GMDS: variants seen among roughly 807,000 people sequenced by gnomAD.
GMDS encodes GDP-mannose 4,6-dehydratase, also known as GDP-mannose 4,6 dehydratase.
In GMDS, 20 loss-of-function variants were observed where a neutral mutation model predicts 49.9. That is an observed-to-expected ratio of 0.40 (90% CI 0.28 to 0.58). The LOEUF is 0.58. GMDS is among the 20% of genes least tolerant of loss of function. GMDS has a pLI of 0.42. For missense variants in GMDS, 362 were observed against 481.4 expected (o/e 0.75, Z 2.32); for synonymous variants, 177 against 178.6 (o/e 0.99, Z 0.07).
chr6:1,702,159 C>T lies in GMDS; in HGVS notation c.987+24257G>A, dbSNP rs560582103. 5.9e-5 allele frequency among the ~76,000 whole-genome samples: 9 copies of T among 152,392 alleles called. No individual in the cohort carries two copies. In the East Asian group the frequency reaches 1.5e-3, roughly 26 times the overall value. On this transcript the variant is annotated intron_variant, in intron 9 of 10. Transcript: ENST00000380815. ...TTTTCTCAGCAATGCCTGATGCAAG[C>T]TCGAGCTTTGACAGCAGTAGCTGGA...
At chr6:2,148,349 A>G (rs1776678379) in intron 1 of GMDS, among the ~76,000 whole-genome samples, 1 of 152,220 alleles carries the variant, frequency 6.6e-6, no homozygotes, top group Non-Finnish European at 1.5e-5. Flanking sequence ...AGCAAAGTAT[A>G]AATATGAGAC....
rs115069300 is a variant in GMDS, at chr6:1,767,287, A to G, written c.772-24701T>C. Among the ~76,000 whole-genome samples, 876 of 152,304 alleles carry G rather than the reference A, an allele frequency of 5.8e-3. 6 individuals carry two copies. The highest frequency in any genetic ancestry group is 0.02 in the African/African-American group (834 of 41,560). On this transcript the variant is annotated intron_variant, in intron 7 of 10. Coordinates refer to ENST00000380815, the MANE Select transcript of GMDS (RefSeq NM_001500.4). The stretch of plus-strand genomic sequence containing the variant: ...AAATAATTAGTCACAGAGGTCCTGT[A>G]TAACAGAAACGACAACAACTCTTAA...
chr6:1,932,833 C>T (rs182718667), intron 6 of GMDS, among the ~76,000 whole-genome samples: 10 of 152,266 alleles, frequency 6.6e-5, no homozygotes, highest in Admixed American at 3.9e-4. Context: ...CCACCGCGCC[C>T]GCTCAAAATG....
At chr6:1,875,845 G>C (rs1341725819) in intron 7 of GMDS, among the ~76,000 whole-genome samples, 1 of 151,872 alleles carries the variant, frequency 6.6e-6, no homozygotes, top group Non-Finnish European at 1.5e-5. Flanking sequence ...GACGAACATG[G>C]AGAAACCCCG....
At chr6:1,865,316 C>T (rs1208012665) in intron 7 of GMDS, among the ~76,000 whole-genome samples, 1 of 152,198 alleles carries the variant, frequency 6.6e-6, no homozygotes, top group Admixed American at 6.5e-5. Context: ...AATATTACAA[C>T]TACTTGGTGT....
chr6:1,816,376 T>G (rs768603116), intron 7 of GMDS, among the ~76,000 whole-genome samples: 9 of 152,158 alleles, frequency 5.9e-5, no homozygotes, highest in Non-Finnish European at 1.3e-4. Context: ...TTAAATCACA[T>G]AAAACGACTG....
Position 2,059,707 on chromosome 6 carries a change from C to CAAAAAAAAAAAAAAAAAAA in GMDS, c.345+56045_345+56063dup, listed in dbSNP as rs35230658. ...TGGGCGACAGAGCGAGACTCCGTCT[C>CAAAAAAAAAAAAAAAAAAA]AAAAAAAAAAAAAAAAAAAATGCAC... On this transcript the variant is annotated intron_variant, in intron 4 of 10. Transcript: ENST00000380815. Among the ~76,000 whole-genome samples, 144 of 17,698 alleles carry CAAAAAAAAAAAAAAAAAAA rather than the reference C, an allele frequency of 8.1e-3. 12 individuals are homozygous for CAAAAAAAAAAAAAAAAAAA. Among genetic ancestry groups the CAAAAAAAAAAAAAAAAAAA allele is most frequent in the Non-Finnish European group, 8.4e-3 (82 of 9,762 alleles). The allele number at this position is 17,698 out of a possible 152,430, so 11.6% of individuals were successfully genotyped here. A position where few individuals can be genotyped will look rare whatever the true frequency, so the allele number is the denominator to read the frequency against.
At chr6:1,794,996 C>A (rs1374331186) in intron 7 of GMDS, among the ~76,000 whole-genome samples, 1 of 152,004 alleles carries the variant, frequency 6.6e-6, no homozygotes, top group South Asian at 2.1e-4. Flanking sequence ...TTGAGACCAG[C>A]CTGGGAAACA....
At chr6:2,137,489 A>G (rs1776069161) in intron 1 of GMDS, among the ~76,000 whole-genome samples, 1 of 152,088 alleles carries the variant, frequency 6.6e-6, no homozygotes, top group African/African-American at 2.4e-5. Context: ...ATGCGTCACC[A>G]TACCCGGCTA....
intron 4 of GMDS, among the ~76,000 whole-genome samples, chr6:1,975,886 T>C (rs1440097374): frequency 6.6e-6 from 1 of 151,912 alleles, no homozygotes; most frequent in East Asian, 1.9e-4. Context: ...ATAAGCAGAG[T>C]AGAAAGCAGA....
rs148060767 is a variant in GMDS at position 1,702,233 on chromosome 6, C to G, written c.987+24183G>C. ...GCTTAACTCAGGCACTGCTAGAGAGCCTTGGAGAGAATTACAGACGTTTAG... is the reference window on the plus strand; with the variant it reads ...GCTTAACTCAGGCACTGCTAGAGAGGCTTGGAGAGAATTACAGACGTTTAG... On this transcript the variant is annotated intron_variant, in intron 9 of 10. Transcript: ENST00000380815. Among the ~76,000 whole-genome samples, 827 of 152,332 alleles carry G rather than the reference C, an allele frequency of 5.4e-3. 12 individuals carry two copies. The highest frequency in any genetic ancestry group is 0.019 in the African/African-American group (773 of 41,576).
intron 9 of GMDS, among the ~76,000 whole-genome samples, chr6:1,646,676 G>A (rs979651084): frequency 9.2e-5 from 14 of 152,138 alleles, no homozygotes; most frequent in African/African-American, 3.4e-4. Flanking sequence ...GAGCCACTAT[G>A]CCCAGCCCAG....
At chr6:1,965,070 G>A (rs183155201) in intron 4 of GMDS, among the ~76,000 whole-genome samples, 1 of 88,526 alleles carries the variant, frequency 1.1e-5, no homozygotes, top group Non-Finnish European at 2.5e-5. Flanking sequence ...CCAGTCTATC[G>A]TTGTTCCAGG....
At chr6:1,974,900 C>A (rs1378634150) in intron 4 of GMDS, among the ~76,000 whole-genome samples, 1 of 150,852 alleles carries the variant, frequency 6.6e-6, no homozygotes, top group African/African-American at 2.4e-5. Context: ...TAGCCAGGCA[C>A]GATGGTGGGC....
chr6:1,835,853 TTTTTATTTTA>T lies in GMDS; in HGVS notation c.772-93277_772-93268del, dbSNP rs141513258. On this transcript the variant is annotated intron_variant, in intron 7 of 10. Coordinates refer to ENST00000380815, the MANE Select transcript of GMDS (RefSeq NM_001500.4). ...GTCATTAGACATTTTTTTCATTTGC[TTTTTATTTTA>T]TTTTATTTTTTATTTATTTTATTTT... is the stretch of plus-strand genomic sequence containing the variant. Among the ~76,000 whole-genome samples, 9 of 151,990 alleles carry T rather than the reference TTTTTATTTTA, an allele frequency of 5.9e-5. No individual in the cohort carries two copies. In the South Asian group the frequency reaches 1.9e-3, roughly 32 times the overall value.
intron 7 of GMDS, among the ~76,000 whole-genome samples, chr6:1,879,583 G>GT (rs1759264323): frequency 6.6e-6 from 1 of 151,104 alleles, no homozygotes. Flanking sequence ...TGTTACCAAA[G>GT]GTTTTTTTTT....
intron 8 of GMDS, among the ~76,000 whole-genome samples, chr6:1,730,641 G>A (rs1766761306): frequency 1.3e-5 from 2 of 152,078 alleles, no homozygotes; most frequent in African/African-American, 4.8e-5. Context: ...GAATACTGAG[G>A]CCCACCACAC....
chr6:1,976,651 A>ATTCTC (rs67363552), intron 4 of GMDS, among the ~76,000 whole-genome samples: 59,463 of 151,734 alleles, frequency 0.39, 11,691 homozygotes, highest in Middle Eastern at 0.45. Context: ...AACAGATACT[A>ATTCTC]TAAGAGGAAA....
intron 9 of GMDS, among the ~76,000 whole-genome samples, chr6:1,692,780 T>G (rs556071145): frequency 4.3e-4 from 65 of 152,354 alleles, no homozygotes; most frequent in African/African-American, 1.5e-3. Context: ...CTTAACTTTC[T>G]TAACATACAG....
Sources: allele counts gnomAD v4.1 joint callset (sites outside exome capture counted in the v4.1 genomes callset), GRCh38; gene constraint gnomAD v4.1.1; transcripts MANE v1.5; gene names NCBI Gene and HGNC (gene_info 2026-07-23, HGNC 2026-07-21).